SLC9A7: variants seen among roughly 807,000 people sequenced by gnomAD.
SLC9A7 encodes the protein sodium/hydrogen exchanger 7.
Under a neutral mutation model 52.6 loss-of-function variants are expected in SLC9A7, and 19 were observed. The observed-to-expected ratio is 0.36, with a 90% confidence interval of 0.25 to 0.53. The LOEUF (loss-of-function observed/expected upper bound fraction) is 0.53, where lower values mean the gene tolerates loss of function less well. Among genes scored for constraint, SLC9A7 ranks in the 20% least tolerant of loss-of-function variants. SLC9A7 has a pLI of 0.91. For synonymous variants in SLC9A7, 226 were observed against 252.1 expected (o/e 0.90, Z 0.98); for missense variants, 455 against 597.9 (o/e 0.76, Z 2.49).
At chrX:46,610,113 A>T (rs1307924500) in intron 16 of SLC9A7, among the ~76,000 whole-genome samples, 1 of 112,583 alleles carries the variant, frequency 8.9e-6, no homozygotes, top group African/African-American at 3.2e-5. Context: ...GCTCCCTTGA[A>T]TTCTAGATGA....
At chrX:46,634,689 G>T (rs1452980756) in intron 13 of SLC9A7, among the ~76,000 whole-genome samples, 2 of 111,912 alleles carry the variant, frequency 1.8e-5, no homozygotes, top group African/African-American at 6.5e-5. Context: ...ACATGTGTGT[G>T]TAGAAAAAAG....
intron 1 of SLC9A7, among the ~76,000 whole-genome samples, chrX:46,742,670 T>C (rs774256779): frequency 1.8e-5 from 2 of 112,403 alleles, no homozygotes; most frequent in Admixed American, 1.9e-4. Context: ...TGGTTACACA[T>C]ATCTATCTAT....
chrX:46,737,521 T>C (rs1945139945), intron 1 of SLC9A7, among the ~76,000 whole-genome samples: 1 of 112,028 alleles, frequency 8.9e-6, no homozygotes, highest in African/African-American at 3.2e-5. Context: ...AAGTTATTAA[T>C]TTTCCATTTG....
chrX:46,725,812 G>T, intron 1 of SLC9A7: 1 of 683,300 alleles, frequency 1.5e-6, no homozygotes, highest in South Asian at 2.2e-5. Flanking sequence ...CCGAAGAATT[G>T]GTTGATCTTG....
chrX:46,681,675 A>T (rs1298311513), intron 2 of SLC9A7, among the ~76,000 whole-genome samples: 1 of 112,085 alleles, frequency 8.9e-6, no homozygotes, highest in Non-Finnish European at 1.9e-5. Flanking sequence ...TCTATAAGGT[A>T]ATGGAGTATA....
At chrX:46,712,480 T>C (rs769534818) in intron 1 of SLC9A7, among the ~76,000 whole-genome samples, 1 of 111,620 alleles carries the variant, frequency 9.0e-6, no homozygotes, top group African/African-American at 3.3e-5. Context: ...CCAAGCCATT[T>C]ATGAGGGATC....
intron 12 of SLC9A7, among the ~76,000 whole-genome samples, chrX:46,637,458 A>G (rs931863866): frequency 8.9e-5 from 10 of 112,592 alleles, no homozygotes; most frequent in African/African-American, 2.6e-4. Flanking sequence ...ATAAATTCTC[A>G]GTCTAACAGG....
intron 7 of SLC9A7, among the ~76,000 whole-genome samples, chrX:46,658,892 A>G (rs1943756983): frequency 9.0e-6 from 1 of 110,821 alleles, no homozygotes; most frequent in African/African-American, 3.3e-5. Context: ...CATCATCCTG[A>G]TACCAAAGCT....
At chrX:46,675,495 T>A in intron 3 of SLC9A7, among the ~76,000 whole-genome samples, 1 of 111,841 alleles carries the variant, frequency 8.9e-6, no homozygotes, top group Non-Finnish European at 1.9e-5. Context: ...ATGTACTGAT[T>A]TTCATCTACA....
rs1942665807 is a variant in SLC9A7 at position 46,601,941 on chromosome X, T to C, written c.*5011A>G. 1 of 111,418 alleles carries C rather than the reference T, an allele frequency of 9.0e-6. No homozygotes were observed. The highest frequency in any genetic ancestry group is 3.3e-5 in the African/African-American group (1 of 30,643). The allele number at this position is 111,418 out of a possible 1,213,427, so 9.2% of individuals were successfully genotyped here. ...CCTTCTACTTTGCTCCAGCAGTAAA[T>C]GGGCCCACCCTTATTCTGAGGAATC... On this transcript the variant is annotated 3_prime_UTR_variant, in exon 17 of 17. Transcript: ENST00000616978.
chrX:46,755,159 T>C (rs191987756), intron 1 of SLC9A7, among the ~76,000 whole-genome samples: 7 of 112,307 alleles, frequency 6.2e-5, no homozygotes, highest in African/African-American at 1.9e-4. Context: ...TTCCTTTCTG[T>C]TTAAACGTTA....
At chrX:46,755,506 C>T (rs192031791) in intron 1 of SLC9A7, among the ~76,000 whole-genome samples, 15 of 111,027 alleles carry the variant, frequency 1.4e-4, no homozygotes, top group East Asian at 2.8e-4. Flanking sequence ...GAGAAGTAGG[C>T]GTCAAATTGA....
intron 1 of SLC9A7, among the ~76,000 whole-genome samples, chrX:46,729,644 G>A (rs761462958): frequency 9.0e-6 from 1 of 110,762 alleles, no homozygotes; most frequent in Non-Finnish European, 1.9e-5. Flanking sequence ...ATGGTGGTGG[G>A]TGCCTGCAAT....
intron 1 of SLC9A7, among the ~76,000 whole-genome samples, chrX:46,723,269 C>A (rs1358347517): frequency 1.0e-5 from 1 of 97,622 alleles, no homozygotes; most frequent in Non-Finnish European, 2.0e-5. Context: ...GGTGGGGCAG[C>A]CCGTGGTGTA....
chrX:46,672,234 C>T (rs1167296713), intron 4 of SLC9A7, among the ~76,000 whole-genome samples: 1 of 111,573 alleles, frequency 9.0e-6, no homozygotes, highest in African/African-American at 3.3e-5. Context: ...TCTGGCATTA[C>T]AAGATACTCC....
chrX:46,603,681 A>T lies in SLC9A7; in HGVS notation c.*3271T>A, dbSNP rs779854950. ...GTGAAACTCTGTCTCTACTAAAAAT[A>T]TAAAAAAATTAGCTGGGTGTGGTGG... On this transcript the variant is annotated 3_prime_UTR_variant, in exon 17 of 17. Coordinates refer to ENST00000616978, the MANE Select transcript of SLC9A7 (RefSeq NM_001257291.2). 1 of 111,484 alleles carries T rather than the reference A, an allele frequency of 9.0e-6. No homozygotes were observed. Among genetic ancestry groups the T allele is most frequent in the Non-Finnish European group, 1.9e-5 (1 of 53,064 alleles). 9.2% of individuals were successfully genotyped at this position (111,484 alleles called of 1,213,427 possible). A position where few individuals can be genotyped will look rare whatever the true frequency, so the allele number is the denominator to read the frequency against.
intron 1 of SLC9A7, among the ~76,000 whole-genome samples, chrX:46,682,857 G>A (rs1447049060): frequency 9.2e-6 from 1 of 108,798 alleles, no homozygotes; most frequent in Non-Finnish European, 1.9e-5. Flanking sequence ...GCAGTGGCGT[G>A]ATCTGGGCTC....
intron 14 of SLC9A7, among the ~76,000 whole-genome samples, chrX:46,624,400 T>C (rs758622247): frequency 1.8e-5 from 2 of 112,140 alleles, no homozygotes; most frequent in African/African-American, 3.2e-5. Flanking sequence ...TTGGTACTCA[T>C]TGGGAATTGG....
intron 1 of SLC9A7, among the ~76,000 whole-genome samples, chrX:46,726,901 A>G (rs1017686180): frequency 1.8e-5 from 2 of 111,021 alleles, no homozygotes; most frequent in African/African-American, 6.6e-5. Flanking sequence ...AATCTTTTAT[A>G]CCACCCTCAG....
Sources: allele counts gnomAD v4.1 joint callset (sites outside exome capture counted in the v4.1 genomes callset), GRCh38; gene constraint gnomAD v4.1.1; transcripts MANE v1.5; gene names NCBI Gene and HGNC (gene_info 2026-07-23, HGNC 2026-07-21).